The following CDK12 variants were observed in gnomAD, a reference collection of about 807,000 sequenced individuals.
CDK12 encodes cyclin-dependent kinase 12.
In CDK12, 17 loss-of-function variants were observed where a neutral mutation model predicts 133.8. The observed-to-expected ratio is 0.13, with a 90% CI of 0.09 to 0.19. The LOEUF is 0.19. Among genes scored for constraint, CDK12 ranks in the 10% least tolerant of loss-of-function variants. The probability of loss-of-function intolerance (pLI) is 1.00; values close to 1 mark genes in which losing one functional copy is unlikely to be tolerated. For synonymous variants in CDK12, 694 were observed against 683.6 expected (o/e 1.02, Z -0.24); for missense variants, 1,508 against 1,818.7 (o/e 0.83, Z 3.11).
chr17:39,545,400 G>T (rs965995078), upstream of CDK12, among the ~76,000 whole-genome samples: 12 of 151,816 alleles, frequency 7.9e-5, no homozygotes, highest in African/African-American at 2.9e-4. Context: ...TGTTGCCCAG[G>T]CTGGCCTTTA....
At position 39,498,001 on chromosome 17, in the gene CDK12, CTCTTTCTT is replaced by C. The variant is rs570312229; in HGVS notation, c.2420-3243_2420-3236del. The stretch of plus-strand genomic sequence containing the variant: ...CCTCTCTCTTTCTCTCTCTCTTTCT[CTCTTTCTT>C]TCTTTTTTTTTTGGGACAGAGTCTT... On this transcript the variant is annotated intron_variant, in intron 5 of 13. Coordinates refer to ENST00000447079, the MANE Select transcript of CDK12 (RefSeq NM_016507.4). Among the ~76,000 whole-genome samples, 5 of 108,398 alleles carry C rather than the reference CTCTTTCTT, an allele frequency of 4.6e-5. No homozygotes were observed. In the East Asian group the frequency reaches 1.2e-3, roughly 26 times the overall value. 71.1% of individuals were successfully genotyped at this position (108,398 alleles called of 152,430 possible).
chr17:39,501,532 A>C, intron 6 of CDK12, 93 bp downstream of exon 6: 1 of 774,090 alleles, frequency 1.3e-6, no homozygotes, highest in Non-Finnish European at 2.1e-6. Context: ...ATTAGACCTA[A>C]TAGTGCAGTA....
At chr17:39,501,848 GTT>G (rs1038854970) in intron 6 of CDK12, among the ~76,000 whole-genome samples, 1 of 142,272 alleles carries the variant, frequency 7.0e-6, no homozygotes, top group Admixed American at 7.0e-5. Flanking sequence ...TTTTTGTTTT[GTT>G]TTTTTTTTTT....
chr17:39,532,092 C>CT lies in CDK12; in HGVS notation c.*777dup, dbSNP rs2054879551. The CT allele has an allele frequency of 9.2e-6, 2 of 216,324 alleles. No individual in the cohort carries two copies. Among genetic ancestry groups the CT allele is most frequent in the African/African-American group, 4.9e-5 (2 of 40,920 alleles). 13.4% of individuals were successfully genotyped at this position (216,324 alleles called of 1,614,324 possible). ...TTCCTTTTTTGCTGATGTGTGCTCT[C>CT]TCTCTCTCTTTCTCTCTCTCTCTCT... On this transcript the variant is annotated 3_prime_UTR_variant, in exon 14 of 14. Transcript: ENST00000447079.
At chr17:39,527,192 C>G (rs745918318) in intron 13 of CDK12, among the ~76,000 whole-genome samples, 5 of 152,174 alleles carry the variant, frequency 3.3e-5, no homozygotes, top group Non-Finnish European at 5.9e-5. Context: ...ACTTTAGGGT[C>G]CTACATTCAC....
chr17:39,538,904 A>AGTAAATAC (rs1555582809), downstream of CDK12, among the ~76,000 whole-genome samples: 4 of 145,002 alleles, frequency 2.8e-5, no homozygotes, highest in South Asian at 8.8e-4. Context: ...ATCTCAAATA[A>AGTAAATAC]ATACATACAT....
chr17:39,510,101 CAACA>C (rs1464896683), intron 7 of CDK12, among the ~76,000 whole-genome samples: 2 of 149,012 alleles, frequency 1.3e-5, no homozygotes, highest in Non-Finnish European at 3.0e-5. Context: ...CGCACCTGGG[CAACA>C]ATCTCTCTCT....
At position 39,559,879 on chromosome 17, in the gene CDK12, G is replaced by GA. The variant is rs1334383493; in HGVS notation, n.484+3477dup. On this transcript the variant is annotated intron_variant and non_coding_transcript_variant, in intron 3 of 3. Coordinates refer to the CDK12 transcript ENST00000558240. ...TGTTAAAAAAAAAAAAAAAAAGAAAGAAAAAAAAAAATCCTGGGCTCAAGC... is the reference window on the plus strand; with the variant it reads ...TGTTAAAAAAAAAAAAAAAAAGAAAGAAAAAAAAAAAATCCTGGGCTCAAGC... Among the ~76,000 whole-genome samples the GA allele has an allele frequency of 9.4e-3, 1,329 of 140,794 alleles. 6 individuals carry two copies. The highest frequency in any genetic ancestry group is 0.013 in the Non-Finnish European group (821 of 63,898). The allele number at this position is 140,794 out of a possible 152,430, so 92.4% of individuals were successfully genotyped here. A position where few individuals can be genotyped will look rare whatever the true frequency, so the allele number is the denominator to read the frequency against.
Position 39,486,253 on chromosome 17 carries a change from CTT to C in CDK12, c.1932-4283_1932-4282del, listed in dbSNP as rs35710234. On this transcript the variant is annotated intron_variant, in intron 2 of 13. Coordinates refer to ENST00000447079, the MANE Select transcript of CDK12 (RefSeq NM_016507.4). ...AGACATGAGCCACTGCACCCTGCCTCTTTTTTTTTTTTTTTTTTTTTTCTGTG... is the reference window on the plus strand; with the variant it reads ...AGACATGAGCCACTGCACCCTGCCTCTTTTTTTTTTTTTTTTTTTTCTGTG... Among the ~76,000 whole-genome samples the C allele has an allele frequency of 4.0e-3, 346 of 86,546 alleles. 5 individuals are homozygous for C. Among genetic ancestry groups the C allele is most frequent in the South Asian group, 9.7e-3 (19 of 1,964 alleles). 56.8% of individuals were successfully genotyped at this position (86,546 alleles called of 152,430 possible). A position where few individuals can be genotyped will look rare whatever the true frequency, so the allele number is the denominator to read the frequency against.
upstream of CDK12, chr17:39,547,820 C>T: frequency 6.6e-6 from 1 of 152,462 alleles, no homozygotes; most frequent in Non-Finnish European, 1.5e-5. Flanking sequence ...ACAGCACATG[C>T]AGCAGCTCAA....
chr17:39,544,056 ACT>A (rs984487635), upstream of CDK12: 27 of 287,266 alleles, frequency 9.4e-5, no homozygotes, highest in Admixed American at 1.0e-3. Context: ...AACAGTTATG[ACT>A]CTCTCTGGGA....
At chr17:39,515,284 C>T (rs539593035) in intron 8 of CDK12, among the ~76,000 whole-genome samples, 2 of 152,168 alleles carry the variant, frequency 1.3e-5, no homozygotes, top group African/African-American at 4.8e-5. Context: ...AAATACAGTG[C>T]CAAGAAGGCT....
Position 39,532,065 on chromosome 17 carries a change from C to G in CDK12, c.*749C>G. On this transcript the variant is annotated 3_prime_UTR_variant, in exon 14 of 14. Coordinates refer to ENST00000447079, the MANE Select transcript of CDK12 (RefSeq NM_016507.4). ...CAAGTAGGTAGACTTTACCCAGTCTCTTTCCTTTTTTGCTGATGTGTGCTC... is the reference window on the plus strand; with the variant it reads ...CAAGTAGGTAGACTTTACCCAGTCTGTTTCCTTTTTTGCTGATGTGTGCTC... 4.4e-6 allele frequency: 1 copy of G among 229,658 alleles called. No homozygotes were observed. Among genetic ancestry groups the G allele is most frequent in the Non-Finnish European group, 8.6e-6 (1 of 116,836 alleles). The allele number at this position is 229,658 out of a possible 1,614,324, so 14.2% of individuals were successfully genotyped here. A position where few individuals can be genotyped will look rare whatever the true frequency, so the allele number is the denominator to read the frequency against.
At chr17:39,476,687 A>G (rs1214439157) in intron 2 of CDK12, among the ~76,000 whole-genome samples, 1 of 126,144 alleles carries the variant, frequency 7.9e-6, no homozygotes, top group African/African-American at 3.0e-5. Context: ...TGCAGAGATT[A>G]CAGGCATGAG....
chr17:39,546,202 C>T (rs1178849130), upstream of CDK12: 4 of 150,794 alleles, frequency 2.7e-5, no homozygotes, highest in East Asian at 2.0e-4. Flanking sequence ...TTTTTTGAGA[C>T]GGAGTCCTGC....
At chr17:39,530,465 T>C in intron 13 of CDK12, 139 bp from the exon 14 acceptor site, 1 of 1,283,050 alleles carries the variant, frequency 7.8e-7, no homozygotes, top group Non-Finnish European at 1.0e-6. Flanking sequence ...TAATTGCAAT[T>C]TTCTGATCCC....
At chr17:39,482,705 C>G (rs1443725620) in intron 2 of CDK12, among the ~76,000 whole-genome samples, 2 of 147,618 alleles carry the variant, frequency 1.4e-5, no homozygotes, top group South Asian at 4.3e-4. Flanking sequence ...CAGGTTCAAA[C>G]AATTCTTGTG....
At chr17:39,566,694 C>T (rs2056588004), downstream of CDK12, among the ~76,000 whole-genome samples, 1 of 152,170 alleles carries the variant, frequency 6.6e-6, no homozygotes, top group South Asian at 2.1e-4. Flanking sequence ...CCCTCCCCAA[C>T]TCCCCATTAC....
chr17:39,501,926 C>T (rs1024115413), intron 6 of CDK12, among the ~76,000 whole-genome samples: 5 of 145,346 alleles, frequency 3.4e-5, no homozygotes, highest in African/African-American at 1.3e-4. Flanking sequence ...CTCACTGCAA[C>T]CTCCACCTCC....
Sources: gnomAD v4.1 joint callset for allele counts (sites outside exome capture counted in the v4.1 genomes callset) on GRCh38, gnomAD v4.1.1 for gene constraint, MANE v1.5 for transcripts, NCBI Gene and HGNC (gene_info 2026-07-23, HGNC 2026-07-21) for gene names.